TJP1: variants seen among roughly 807,000 people sequenced by gnomAD.
The protein encoded by TJP1 is tight junction protein 1.
A neutral mutation model predicts 194.2 loss-of-function variants in TJP1; 43 were observed. The ratio of observed to expected loss-of-function variants is 0.22; its 90% CI spans 0.17 to 0.29. The LOEUF (loss-of-function observed/expected upper bound fraction) is 0.29, where lower values mean the gene tolerates loss of function less well. TJP1 is among the 10% of genes least tolerant of loss of function. TJP1 has a pLI of 1.00. For synonymous variants in TJP1, 801 were observed against 779.0 expected, an observed-to-expected ratio of 1.03 and a Z score of -0.47; for missense variants, 1,971 against 2,185.7, an observed-to-expected ratio of 0.90 and a Z score of 1.96.
chr15:29,845,696 C>T (rs1208128450), intron 2 of TJP1, among the ~76,000 whole-genome samples: 14 of 151,884 alleles, frequency 9.2e-5, no homozygotes, highest in African/African-American at 2.2e-4. Flanking sequence ...CCCCAGCTGT[C>T]GGGAGGCTGA....
chr15:29,773,136 A>G (rs1027849222), intron 3 of TJP1, 97 bp downstream of exon 3: 10 of 1,404,790 alleles, frequency 7.1e-6, no homozygotes, highest in Non-Finnish European at 9.6e-6. Flanking sequence ...GAGTGTGAAT[A>G]TGACAAAATC....
At chr15:29,956,333 C>T in exon 2 of TJP1, 1 of 1,288,910 alleles carries the variant, frequency 7.8e-7, no homozygotes, top group Non-Finnish European at 1.0e-6. Flanking sequence ...CTAGAAGTAG[C>T]ACCATTAGGA....
intron 18 of TJP1, among the ~76,000 whole-genome samples, chr15:29,725,320 C>G (rs918460344): frequency 1.3e-5 from 2 of 152,132 alleles, no homozygotes; most frequent in Non-Finnish European, 2.9e-5. Context: ...CACTGCCTCT[C>G]AGTGTTAACA....
At chr15:29,822,530 G>A (rs2050481789), upstream of TJP1, 4 of 974,636 alleles carry the variant, frequency 4.1e-6, no homozygotes, top group Middle Eastern at 5.2e-4. Flanking sequence ...GCTGGACGAG[G>A]CGAGGCGAGG....
intron 2 of TJP1, among the ~76,000 whole-genome samples, chr15:29,851,628 G>T (rs892049985): frequency 2.6e-5 from 4 of 152,132 alleles, no homozygotes; most frequent in African/African-American, 9.7e-5. Flanking sequence ...GAAAGGAAAA[G>T]AAATTAGATT....
chr15:29,744,660 G>A (rs1486454225), intron 8 of TJP1, among the ~76,000 whole-genome samples: 1 of 151,676 alleles, frequency 6.6e-6, no homozygotes, highest in African/African-American at 2.4e-5. Context: ...AATTATCCTG[G>A]ACCACAGAAA....
At chr15:29,727,814 A>G in intron 16 of TJP1, 123 bp downstream of exon 16, 1 of 715,960 alleles carries the variant, frequency 1.4e-6, no homozygotes, top group Non-Finnish European at 2.3e-6. Flanking sequence ...TAAGGGCTTA[A>G]TTTTCTTATA....
At chr15:29,707,788 C>T (rs1417047466) in intron 25 of TJP1, among the ~76,000 whole-genome samples, 1 of 152,146 alleles carries the variant, frequency 6.6e-6, no homozygotes, top group Non-Finnish European at 1.5e-5. Flanking sequence ...TTCTTCTTAG[C>T]ATCATTGTGG....
rs754725017 is a variant in TJP1 at position 29,768,749 on chromosome 15, AAC to A, written c.313-2209_313-2208del. ...TATTGTGATTCTCTACTTATGAATC[AAC>A]AGTTATAAACATGAATAATAATTAG... On this transcript the variant is annotated intron_variant, in intron 4 of 27. Transcript: ENST00000614355. 2.0e-5 allele frequency among the ~76,000 whole-genome samples: 3 copies of A among 152,250 alleles called. No individual in the cohort carries two copies. In the South Asian group the frequency reaches 6.2e-4, roughly 32 times the overall value.
intron 2 of TJP1, among the ~76,000 whole-genome samples, chr15:29,927,507 A>T (rs28474745): frequency 0.015 from 2,335 of 152,306 alleles, 19 homozygotes; most frequent in Non-Finnish European, 0.022. Flanking sequence ...AAGAGGAAAA[A>T]ATAAATATAC....
chr15:29,918,631 G>C (rs935243398), intron 2 of TJP1, among the ~76,000 whole-genome samples: 1 of 152,058 alleles, frequency 6.6e-6, no homozygotes, highest in Non-Finnish European at 1.5e-5. Flanking sequence ...CCAGCTACTC[G>C]GGAGGCTGAG....
At chr15:29,731,104 T>C (rs949532139) in intron 15 of TJP1, 20 of 665,730 alleles carry the variant, frequency 3.0e-5, no homozygotes, top group Non-Finnish European at 4.3e-5. Flanking sequence ...TTTTAAGCTA[T>C]GTTGTTCGCA....
intron 2 of TJP1, among the ~76,000 whole-genome samples, chr15:29,879,400 C>T (rs912262018): frequency 4.6e-5 from 7 of 152,198 alleles, no homozygotes; most frequent in African/African-American, 1.7e-4. Context: ...CTCCAGCTGC[C>T]TCCGGCGCTT....
chr15:29,709,076 A>C, intron 24 of TJP1, 40 bp from the exon 25 acceptor site: 1 of 1,566,334 alleles, frequency 6.4e-7, no homozygotes, highest in Non-Finnish European at 8.7e-7. Context: ...CTTTCTGAAA[A>C]AAGTTATAAT....
intron 12 of TJP1, 130 bp from the exon 13 acceptor site, chr15:29,733,443 A>G: frequency 1.4e-6 from 1 of 696,388 alleles, no homozygotes; most frequent in East Asian, 2.7e-5. Flanking sequence ...TGTGCCAGGT[A>G]CTGTATTATT....
At chr15:29,786,824 C>T (rs182865797) in intron 2 of TJP1, among the ~76,000 whole-genome samples, 5 of 152,134 alleles carry the variant, frequency 3.3e-5, no homozygotes, top group Admixed American at 2.0e-4. Context: ...GTAAATTAAA[C>T]GTGACATATA....
chr15:29,758,468 G>T (rs1441659610), intron 8 of TJP1, among the ~76,000 whole-genome samples: 2 of 152,168 alleles, frequency 1.3e-5, no homozygotes, highest in Non-Finnish European at 2.9e-5. Context: ...TAAGGTTACA[G>T]ATTCTAAGTG....
intron 5 of TJP1, among the ~76,000 whole-genome samples, chr15:29,763,071 A>G (rs570008491): frequency 6.1e-5 from 9 of 148,646 alleles, no homozygotes; most frequent in Non-Finnish European, 1.0e-4. Context: ...AGACATACTC[A>G]GAGTACTAGC....
chr15:29,832,662 G>A (rs2050873590), intron 2 of TJP1, among the ~76,000 whole-genome samples: 1 of 152,200 alleles, frequency 6.6e-6, no homozygotes, highest in African/African-American at 2.4e-5. Context: ...GGCAATGGAA[G>A]GCTTAGGTAG....
Sources: allele counts gnomAD v4.1 joint callset (sites outside exome capture counted in the v4.1 genomes callset), GRCh38; gene constraint gnomAD v4.1.1; transcripts MANE v1.5; gene names NCBI Gene and HGNC (gene_info 2026-07-23, HGNC 2026-07-21).